Variants in DDX60L observed in about 807,000 individuals in gnomAD.
DDX60L encodes the protein DExD/H-box 60 like.
Under a neutral mutation model 211.6 loss-of-function variants are expected in DDX60L, and 191 were observed. The observed-to-expected ratio is 0.90, with a 90% confidence interval of 0.80 to 1.02. The LOEUF is 1.02. Among genes scored for constraint, DDX60L ranks in the 50% least tolerant of loss-of-function variants. The pLI is 0.00. For synonymous variants in DDX60L, 706 were observed against 694.1 expected (o/e 1.02, Z -0.27); for missense variants, 2,007 against 1,984.1 (o/e 1.01, Z -0.22).
chr4:168,414,641 T>C (rs1207985230), intron 22 of DDX60L, among the ~76,000 whole-genome samples: 1 of 151,664 alleles, frequency 6.6e-6, no homozygotes, highest in African/African-American at 2.4e-5. Flanking sequence ...ATAAAGAAAA[T>C]GTGGCACTTA....
At chr4:168,361,274 A>T (rs866488905) in intron 36 of DDX60L, 63 bp from the exon 37 acceptor site, 8 of 1,104,636 alleles carry the variant, frequency 7.2e-6, no homozygotes, top group Middle Eastern at 2.4e-4. Context: ...GAATTAACTC[A>T]AACTTTAATA....
intron 22 of DDX60L, among the ~76,000 whole-genome samples, chr4:168,407,345 T>A (rs1450274657): frequency 1.3e-5 from 2 of 152,210 alleles, no homozygotes; most frequent in Admixed American, 6.5e-5. Flanking sequence ...CTCTCACAAA[T>A]ACTGTTGATG....
At chr4:168,360,165 C>A (rs893618720) in intron 37 of DDX60L, among the ~76,000 whole-genome samples, 13 of 152,156 alleles carry the variant, frequency 8.5e-5, no homozygotes, top group Admixed American at 4.6e-4. Flanking sequence ...TGACTGTCTA[C>A]AAGAAAGTTT....
chr4:168,375,514 G>T lies in DDX60L; in HGVS notation c.4496C>A (p.Ala1499Asp). 1 of 1,608,634 alleles carries T rather than the reference G, an allele frequency of 6.2e-7. No individual in the cohort carries two copies. The change falls in exon 34 of 38, where the codon GCC (alanine) becomes GAC (aspartate). Residue 1499 changes from alanine to aspartate, a missense_variant. Transcript: ENST00000682922. ...LSFSQSKVIL[A>D]ELPEDFKAAL... ...AGCTTTAAAATCCTCCGGGAGTTCGGCAAGGATCACCTATGGGCGAAATAC... is the reference window on the plus strand; with the variant it reads ...AGCTTTAAAATCCTCCGGGAGTTCGTCAAGGATCACCTATGGGCGAAATAC...
intron 6 of DDX60L, 64 bp downstream of exon 6, chr4:168,457,828 C>G (rs930128625): frequency 4.0e-6 from 4 of 1,005,848 alleles, no homozygotes; most frequent in Non-Finnish European, 5.8e-6. Context: ...GAACTAATCA[C>G]AAGTTCATTC....
intron 36 of DDX60L, among the ~76,000 whole-genome samples, chr4:168,371,160 G>T (rs1244454200): frequency 2.6e-5 from 4 of 151,332 alleles, no homozygotes; most frequent in Non-Finnish European, 5.9e-5. Context: ...CTTTCTTAAT[G>T]AATAATTAGT....
intron 8 of DDX60L, among the ~76,000 whole-genome samples, chr4:168,449,675 A>AAAAT (rs1755495221): frequency 7.0e-6 from 1 of 142,684 alleles, no homozygotes; most frequent in African/African-American, 2.5e-5. Flanking sequence ...AGAAAAAAGA[A>AAAAT]AAAAATTACT....
intron 26 of DDX60L, among the ~76,000 whole-genome samples, chr4:168,396,991 G>A (rs950169502): frequency 6.6e-6 from 1 of 152,156 alleles, no homozygotes; most frequent in African/African-American, 2.4e-5. Context: ...GTCTTTAGGA[G>A]GTGATTAAGT....
chr4:168,462,234 C>A (rs199607386), intron 4 of DDX60L, among the ~76,000 whole-genome samples, 194 bp from the exon 5 acceptor site: 1 of 152,170 alleles, frequency 6.6e-6, no homozygotes, highest in Non-Finnish European at 1.5e-5. Flanking sequence ...AGATTCATCT[C>A]TTTTATTTGA....
intron 13 of DDX60L, 53 bp from the exon 14 acceptor site, chr4:168,427,375 C>A: frequency 1.3e-6 from 2 of 1,566,812 alleles, no homozygotes; most frequent in South Asian, 1.2e-5. Flanking sequence ...TCCATTATGA[C>A]ATTTCACTAG....
chr4:168,362,414 C>T (rs1739263783), intron 36 of DDX60L, among the ~76,000 whole-genome samples: 1 of 152,230 alleles, frequency 6.6e-6, no homozygotes, highest in South Asian at 2.1e-4. Context: ...GTCTTACCTC[C>T]TCCAGAGACA....
chr4:168,416,084 TGTGC>T lies in DDX60L; in HGVS notation c.2727-289_2727-286del, dbSNP rs761108638. Among the ~76,000 whole-genome samples, 12 of 152,322 alleles carry T rather than the reference TGTGC, an allele frequency of 7.9e-5. No homozygotes were observed. In the South Asian group the frequency reaches 1.9e-3, roughly 24 times the overall value. On this transcript the variant is annotated intron_variant, in intron 20 of 37. Coordinates refer to ENST00000682922, the MANE Select transcript of DDX60L (RefSeq NM_001012967.3). ...CGTGCCTGCCACATAGAAAGCACTG[TGTGC>T]TTGTTACCAGTGCTGCTGTTACTGC...
intron 8 of DDX60L, 109 bp from the exon 9 acceptor site, chr4:168,448,888 T>A: frequency 1.1e-6 from 1 of 932,628 alleles, no homozygotes; most frequent in Non-Finnish European, 1.6e-6. Flanking sequence ...GGTGGAATGA[T>A]AAAGTCATTA....
intron 2 of DDX60L, 47 bp downstream of exon 2, chr4:168,472,649 C>A: frequency 6.2e-7 from 1 of 1,608,268 alleles, no homozygotes; most frequent in African/African-American, 1.3e-5. Context: ...GAATATCTTA[C>A]AAGATTGTTG....
chr4:168,463,515 G>A (rs574608475), intron 4 of DDX60L, among the ~76,000 whole-genome samples: 3 of 152,056 alleles, frequency 2.0e-5, no homozygotes, highest in South Asian at 4.2e-4. Context: ...CCTGGGTGAA[G>A]AAATAATCTG....
At chr4:168,389,301 T>C (rs925966971) in intron 29 of DDX60L, among the ~76,000 whole-genome samples, 13 of 152,210 alleles carry the variant, frequency 8.5e-5, no homozygotes, top group Admixed American at 3.9e-4. Context: ...TAAATGAGTA[T>C]ATTTTGAAAG....
At chr4:168,384,209 T>C (rs972220356) in intron 30 of DDX60L, among the ~76,000 whole-genome samples, 2 of 152,182 alleles carry the variant, frequency 1.3e-5, no homozygotes, top group Admixed American at 6.5e-5. Flanking sequence ...TTTATACATA[T>C]ATCTATCCTA....
chr4:168,391,296 T>TA (rs543799479), intron 29 of DDX60L, among the ~76,000 whole-genome samples: 48 of 152,202 alleles, frequency 3.2e-4, no homozygotes, highest in African/African-American at 1.1e-3. Context: ...AAAACTACAC[T>TA]AAAAACTGAA....
intron 1 of DDX60L, among the ~76,000 whole-genome samples, chr4:168,479,109 TTGGATGGCTGGATGATGGATGGA>T (rs1486349243): frequency 3.4e-5 from 5 of 148,484 alleles, no homozygotes; most frequent in African/African-American, 1.3e-4. Flanking sequence ...GGACGGATGG[TTGGATGGCTGGATGATGGATGGA>T]TGGATGGATG....
Sources: gnomAD v4.1 joint callset for allele counts (sites outside exome capture counted in the v4.1 genomes callset) on GRCh38, gnomAD v4.1.1 for gene constraint, MANE v1.5 for transcripts, NCBI Gene and HGNC (gene_info 2026-07-23, HGNC 2026-07-21) for gene names.